PPHLN1: variants seen among roughly 807,000 people sequenced by gnomAD.
PPHLN1 encodes the protein periphilin 1.
A neutral mutation model predicts 51.3 loss-of-function variants in PPHLN1; 29 were observed. The ratio of observed to expected loss-of-function variants is 0.57; its 90% CI spans 0.42 to 0.77. The LOEUF (loss-of-function observed/expected upper bound fraction) is 0.77, where lower values mean the gene tolerates loss of function less well. PPHLN1 is among the 30% of genes least tolerant of loss of function. The pLI, the probability that PPHLN1 is intolerant of heterozygous loss-of-function variation, is 0.00. For synonymous variants in PPHLN1, 147 were observed against 147.8 expected (o/e 0.99, Z 0.04); for missense variants, 436 against 438.4 (o/e 0.99, Z 0.05).
intron 4 of PPHLN1, chr12:42,361,667 A>G (rs2074703098): frequency 6.6e-6 from 1 of 152,216 alleles, no homozygotes; most frequent in Non-Finnish European, 1.5e-5. Flanking sequence ...TGCTTGTGAC[A>G]ATATATGTAA....
intron 2 of PPHLN1, among the ~76,000 whole-genome samples, chr12:42,336,249 A>T (rs969515933): frequency 6.6e-6 from 1 of 152,258 alleles, no homozygotes; most frequent in Non-Finnish European, 1.5e-5. Context: ...TACAGATTTT[A>T]TAAAGATTAT....
chr12:42,373,889 A>G (rs191225937), intron 4 of PPHLN1, among the ~76,000 whole-genome samples: 1 of 152,342 alleles, frequency 6.6e-6, no homozygotes, highest in Admixed American at 6.5e-5. Flanking sequence ...TTTAATAGGT[A>G]TATAGCAGGG....
intron 9 of PPHLN1, among the ~76,000 whole-genome samples, chr12:42,432,678 C>A (rs1050656088): frequency 6.6e-6 from 1 of 152,196 alleles, no homozygotes; most frequent in African/African-American, 2.4e-5. Flanking sequence ...TAGCTCAATG[C>A]GGTAACTCCA....
chr12:42,420,673 TCCCCTCCCCTCCCCTCCCCTC>T, intron 9 of PPHLN1, among the ~76,000 whole-genome samples: 1 of 20,562 alleles, frequency 4.9e-5, no homozygotes, highest in Non-Finnish European at 8.9e-5. Flanking sequence ...CCTCCCGCCC[TCCCCTCCCCTCCCCTCCCCTC>T]CCCTCCCTCC....
intron 4 of PPHLN1, among the ~76,000 whole-genome samples, chr12:42,368,748 T>C (rs1042819584): frequency 3.3e-5 from 5 of 152,242 alleles, no homozygotes; most frequent in African/African-American, 1.2e-4. Context: ...GTCAGATCTC[T>C]GGTAGAGAAC....
chr12:42,349,509 C>T (rs997316130), intron 2 of PPHLN1, among the ~76,000 whole-genome samples: 8 of 152,074 alleles, frequency 5.3e-5, no homozygotes, highest in Admixed American at 4.6e-4. Context: ...AGCAGATAAA[C>T]ATGTGAACAA....
chr12:42,428,064 C>T (rs2081655764), intron 9 of PPHLN1, among the ~76,000 whole-genome samples: 1 of 152,152 alleles, frequency 6.6e-6, no homozygotes, highest in South Asian at 2.1e-4. Flanking sequence ...GCAGTACCAC[C>T]TTACTCCTGC....
At chr12:42,340,176 C>T (rs1328415586) in intron 2 of PPHLN1, among the ~76,000 whole-genome samples, 5 of 151,752 alleles carry the variant, frequency 3.3e-5, no homozygotes, top group African/African-American at 9.7e-5. Flanking sequence ...TGCATAGTAG[C>T]GCATGCCTGT....
intron 4 of PPHLN1, among the ~76,000 whole-genome samples, chr12:42,369,765 C>A (rs1263342501): frequency 6.6e-6 from 1 of 152,146 alleles, no homozygotes; most frequent in Non-Finnish European, 1.5e-5. Context: ...TGAGTTCGGG[C>A]ATATTTCTTC....
intron 9 of PPHLN1, among the ~76,000 whole-genome samples, chr12:42,427,959 C>G (rs2081645838): frequency 1.3e-5 from 2 of 151,938 alleles, no homozygotes; most frequent in African/African-American, 4.8e-5. Context: ...CATGAATAGA[C>G]AATTCTAAAA....
intron 2 of PPHLN1, among the ~76,000 whole-genome samples, chr12:42,348,874 G>C (rs988596610): frequency 6.6e-6 from 1 of 152,036 alleles, no homozygotes; most frequent in African/African-American, 2.4e-5. Context: ...GTGAAAGGTA[G>C]TTTGTAGAAG....
At chr12:42,375,120 A>AC in intron 5 of PPHLN1, 46 bp downstream of exon 5, 1 of 1,389,012 alleles carries the variant, frequency 7.2e-7, no homozygotes, top group Non-Finnish European at 9.9e-7. Flanking sequence ...GTCTCCTCTG[A>AC]TGAGAATGTA....
chr12:42,439,461 A>C (rs2082752384), intron 9 of PPHLN1, among the ~76,000 whole-genome samples: 1 of 152,228 alleles, frequency 6.6e-6, no homozygotes, highest in Non-Finnish European at 1.5e-5. Flanking sequence ...TGCCAATGGC[A>C]TACAATCTTG....
rs1372387626 is a variant in PPHLN1, at chr12:42,393,644, A to C, written c.723A>C (p.Leu241=). Reference sequence around the variant, plus strand: ...CAAGCAAGTGGGCTGCTGAAAAGCTAGAGAAATCAGATGAAAGTAACTTGC... The same window carrying C: ...CAAGCAAGTGGGCTGCTGAAAAGCTCGAGAAATCAGATGAAAGTAACTTGC... ...EAASKWAAEK[L]EKSDESNLPE... is the part of the protein sequence containing the mutation. Residue 241 remains leucine, a synonymous_variant, in exon 8 of 10, where the codon CTA becomes CTC. Transcript: ENST00000358314. The C allele has an allele frequency of 9.3e-6, 15 of 1,611,420 alleles. No homozygotes were observed. The highest frequency in any genetic ancestry group is 1.3e-5 in the Non-Finnish European group (15 of 1,179,084).
intron 2 of PPHLN1, among the ~76,000 whole-genome samples, chr12:42,348,490 C>A (rs1441495156): frequency 6.6e-6 from 1 of 152,036 alleles, no homozygotes; most frequent in East Asian, 1.9e-4. Context: ...AAATAAGTAA[C>A]TAAGTGTGAT....
chr12:42,433,489 A>C, intron 9 of PPHLN1: 1 of 233,836 alleles, frequency 4.3e-6, no homozygotes, highest in Non-Finnish European at 8.4e-6. Context: ...TGCCTGGCTA[A>C]TTTTTTCTAT....
In PPHLN1 at chr12:42,375,069, A is replaced by C. The variant is rs201073552; in HGVS notation, c.506A>C (p.His169Pro). The C allele has an allele frequency of 3.7e-6, 6 of 1,600,672 alleles. No individual in the cohort carries two copies. The East Asian group carries it at 1.1e-4, about 30-fold the overall frequency. Residue 169 changes from histidine (H) to proline (P), a missense_variant, in exon 5 of 10, where the codon CAT (histidine) becomes CCT (proline). By Grantham distance (77) the His-to-Pro change is moderately conservative. Transcript: ENST00000358314. ...SKSYSFHQSQ[H>P]RKSVRPGASY... Reference sequence around the variant, plus strand: ...TCATACTCTTTCCATCAGTCTCAACATAGAAGTATGTATTTTAAGACTTTA... The same window carrying C: ...TCATACTCTTTCCATCAGTCTCAACCTAGAAGTATGTATTTTAAGACTTTA...
chr12:42,366,224 CTTTTTTTTTTTT>C (rs34689856), intron 4 of PPHLN1, among the ~76,000 whole-genome samples: 1 of 111,218 alleles, frequency 9.0e-6, no homozygotes, highest in Non-Finnish European at 1.8e-5. Flanking sequence ...GTACCGGACA[CTTTTTTTTTTTT>C]TTTTTTTTTG....
At chr12:42,352,886 C>T (rs543749833) in intron 3 of PPHLN1, among the ~76,000 whole-genome samples, 5 of 151,908 alleles carry the variant, frequency 3.3e-5, no homozygotes, top group African/African-American at 9.7e-5. Flanking sequence ...GTCAGGAGGT[C>T]GAGACCAGTC....
Sources: allele counts gnomAD v4.1 joint callset (sites outside exome capture counted in the v4.1 genomes callset), GRCh38; gene constraint gnomAD v4.1.1; transcripts MANE v1.5; gene names NCBI Gene and HGNC (gene_info 2026-07-23, HGNC 2026-07-21).